The following STK33 variants were observed in gnomAD, a reference collection of about 807,000 sequenced individuals.
STK33 encodes serine/threonine-protein kinase 33.
STK33 carries 52 observed loss-of-function variants against 58.0 expected under a neutral mutation model. The ratio of observed to expected loss-of-function variants is 0.90; its 90% CI spans 0.72 to 1.13. The LOEUF (loss-of-function observed/expected upper bound fraction) is 1.13, where lower values mean the gene tolerates loss of function less well. Ranked by LOEUF, STK33 falls within the 50% of genes most tolerant of loss-of-function variation. The pLI, the probability that STK33 is intolerant of heterozygous loss-of-function variation, is 0.00. For missense variants in STK33, 630 were observed against 604.2 expected (o/e 1.04, Z -0.45); for synonymous variants, 215 against 200.1 (o/e 1.07, Z -0.63).
intron 10 of STK33, 63 bp downstream of exon 10, chr11:8,454,681 T>A (rs1241156318): frequency 6.7e-7 from 1 of 1,495,704 alleles, no homozygotes; most frequent in Non-Finnish European, 9.0e-7. Context: ...AAAGAGGATG[T>A]ACTTTGCCAC....
At chr11:8,341,777 C>A in the STK33 span, among the ~76,000 whole-genome samples, 1 of 152,198 alleles carries the variant, frequency 6.6e-6, no homozygotes, top group Non-Finnish European at 1.5e-5. Context: ...AAAAGACACA[C>A]CACCTCTCAG....
At chr11:8,581,820 C>T (rs974519831) in intron 1 of STK33, among the ~76,000 whole-genome samples, 2 of 152,222 alleles carry the variant, frequency 1.3e-5, no homozygotes, top group Non-Finnish European at 2.9e-5. Context: ...GCATTTAATG[C>T]TTTATTTTAA....
At chr11:8,445,709 C>G (rs577669829) in intron 11 of STK33, among the ~76,000 whole-genome samples, 7 of 152,304 alleles carry the variant, frequency 4.6e-5, no homozygotes, top group African/African-American at 1.7e-4. Flanking sequence ...TTGAACCAGC[C>G]TTGCATCCCA....
Position 8,400,891 on chromosome 11 carries a change from C to T in STK33, c.1345-8181G>A, listed in dbSNP as rs568717150. Among the ~76,000 whole-genome samples the T allele has an allele frequency of 8.5e-5, 13 of 152,142 alleles. No individual in the cohort carries two copies. The South Asian group carries it at 1.9e-3, about 22-fold the overall frequency. ...CACAATTGCTTCAGATAATAAAATA[C>T]CTAGGAATCCAACTTACAAGGGATG... On this transcript the variant is annotated intron_variant, in intron 15 of 15. Coordinates refer to ENST00000687296, the MANE Select transcript of STK33 (RefSeq NM_001352389.2).
At chr11:8,535,015 G>A (rs890354808) in intron 1 of STK33, among the ~76,000 whole-genome samples, 2 of 152,108 alleles carry the variant, frequency 1.3e-5, no homozygotes, top group African/African-American at 2.4e-5. Flanking sequence ...GGGAGAGAGA[G>A]TATGGAAAGT....
intron 8 of STK33, among the ~76,000 whole-genome samples, chr11:8,459,137 T>C (rs1947222389): frequency 6.6e-6 from 1 of 152,316 alleles, no homozygotes; most frequent in Non-Finnish European, 1.5e-5. Context: ...ATTTTAAATA[T>C]ATAAGTTGGT....
intron 14 of STK33, among the ~76,000 whole-genome samples, chr11:8,427,997 G>A (rs1233938670): frequency 6.6e-6 from 1 of 152,188 alleles, no homozygotes; most frequent in Admixed American, 6.5e-5. Context: ...CTGGCCCTTG[G>A]CCTTGGGAGA....
At chr11:8,526,226 G>A (rs1252373784) in intron 1 of STK33, among the ~76,000 whole-genome samples, 6 of 151,800 alleles carry the variant, frequency 4.0e-5, no homozygotes, top group African/African-American at 7.3e-5. Context: ...GTAAAACCCC[G>A]TCTCTAAAAA....
chr11:8,362,916 T>TCCTTTCCTC, the STK33 span, among the ~76,000 whole-genome samples: 6,994 of 149,168 alleles, frequency 0.047, 211 homozygotes, highest in Middle Eastern at 0.068. Flanking sequence ...CTTCCTTCCT[T>TCCTTTCCTC]CCTCCCTCCT....
chr11:8,549,178 T>G (rs1052787521), intron 1 of STK33, among the ~76,000 whole-genome samples: 2 of 152,210 alleles, frequency 1.3e-5, no homozygotes, highest in Non-Finnish European at 2.9e-5. Flanking sequence ...GTTTTTATCA[T>G]GAAGGGATGT....
intron 1 of STK33, among the ~76,000 whole-genome samples, chr11:8,523,935 A>C (rs558161546): frequency 4.6e-5 from 7 of 152,356 alleles, no homozygotes; most frequent in Admixed American, 1.3e-4. Flanking sequence ...GTGTGGAAAG[A>C]AGCAGACATG....
At chr11:8,557,325 AGAGGGAGGCAAGGAGG>A (rs1441760649) in intron 1 of STK33, among the ~76,000 whole-genome samples, 1 of 135,648 alleles carries the variant, frequency 7.4e-6, no homozygotes, top group African/African-American at 2.8e-5. Context: ...GAGAAAAGAA[AGAGGGAGGCAAGGAGG>A]GAGGGAGGAA....
In STK33 at chr11:8,551,531, G is replaced by A. The variant is rs78545524; in HGVS notation, c.-466+42552C>T. On this transcript the variant is annotated intron_variant, in intron 1 of 15. Transcript: ENST00000687296. The stretch of plus-strand genomic sequence containing the variant: ...TTTTGGTGGTATTAAATCTCCCTGA[G>A]TTTTCACAATCCTTGTGTCTTTTTG... 4.2e-3 allele frequency among the ~76,000 whole-genome samples: 639 copies of A among 152,230 alleles called. 2 individuals carry two copies. The highest frequency in any genetic ancestry group is 8.5e-3 in the Admixed American group (130 of 15,292).
chr11:8,444,048 AC>A (rs1945097761), intron 11 of STK33, among the ~76,000 whole-genome samples: 1 of 152,134 alleles, frequency 6.6e-6, no homozygotes, highest in Non-Finnish European at 1.5e-5. Flanking sequence ...AAAATAAAGA[AC>A]AAAGAAGGAA....
intron 1 of STK33, among the ~76,000 whole-genome samples, chr11:8,483,481 G>A (rs1949985077): frequency 2.0e-5 from 3 of 152,104 alleles, no homozygotes; most frequent in African/African-American, 7.2e-5. Context: ...CTGAAGAGCT[G>A]CAAAAAAGAA....
At chr11:8,467,057 G>A (rs1008513461) in intron 6 of STK33, 1 of 152,194 alleles carries the variant, frequency 6.6e-6, no homozygotes, top group African/African-American at 2.4e-5. Flanking sequence ...CCCAGCCCAC[G>A]AAACCACTTT....
At chr11:8,336,875 G>A in the STK33 span, among the ~76,000 whole-genome samples, 1 of 152,194 alleles carries the variant, frequency 6.6e-6, no homozygotes. Flanking sequence ...GCTGCCTCTT[G>A]CCCACACCTG....
chr11:8,486,605 C>T (rs1249656708), intron 1 of STK33, among the ~76,000 whole-genome samples: 1 of 152,160 alleles, frequency 6.6e-6, no homozygotes, highest in Non-Finnish European at 1.5e-5. Flanking sequence ...TCACTATACC[C>T]AAAGCTCCCT....
At chr11:8,444,298 A>AT (rs1348172106) in intron 11 of STK33, among the ~76,000 whole-genome samples, 17 of 152,088 alleles carry the variant, frequency 1.1e-4, no homozygotes. Flanking sequence ...TGTCAACCTG[A>AT]TAAAAAAAAA....
Sources: gnomAD v4.1 joint callset for allele counts (sites outside exome capture counted in the v4.1 genomes callset) on GRCh38, gnomAD v4.1.1 for gene constraint, MANE v1.5 for transcripts, NCBI Gene and HGNC (gene_info 2026-07-23, HGNC 2026-07-21) for gene names.